Variants in FANCI observed in about 807,000 individuals in gnomAD.
The protein encoded by FANCI is Fanconi anemia group I protein.
In FANCI, 156 loss-of-function variants were observed where a neutral mutation model predicts 176.1. The ratio of observed to expected loss-of-function variants is 0.89; its 90% confidence interval spans 0.78 to 1.01. The LOEUF is 1.01. Ranked by LOEUF, FANCI falls within the 50% of genes least tolerant of loss-of-function variation. The pLI is 0.00. For missense variants in FANCI, 1,678 were observed against 1,534.1 expected, an observed-to-expected ratio of 1.09 and a Z score of -1.57; for synonymous variants, 613 against 541.7, an observed-to-expected ratio of 1.13 and a Z score of -1.83.
At chr15:89,257,078 T>C (rs1006889915) in intron 2 of FANCI, among the ~76,000 whole-genome samples, 10 of 152,134 alleles carry the variant, frequency 6.6e-5, no homozygotes, top group African/African-American at 2.2e-4. Context: ...GGCTAATTTT[T>C]TGTATTTTTA....
rs1317953100 is a variant in FANCI, at chr15:89,305,109, TC to T, written c.3059-4del. ...CCTTTTAATTTGCTTTTCTTCCTAT[TC>T]CTAGAGGATGCCTTGTTTTGCAAGA... On this transcript the variant is annotated splice_region_variant and splice_polypyrimidine_tract_variant and intron_variant, in intron 28 of 37. Transcript: ENST00000310775. 4 of 1,613,930 alleles carry T rather than the reference TC, an allele frequency of 2.5e-6. No individual in the cohort carries two copies. The highest frequency in any genetic ancestry group is 3.3e-5 in the Admixed American group (2 of 60,008).
chr15:89,291,802 T>A, intron 20 of FANCI, 88 bp downstream of exon 20: 2 of 1,014,642 alleles, frequency 2.0e-6, no homozygotes, highest in Non-Finnish European at 3.1e-6. Context: ...CCTGTGAAAC[T>A]CTCTTCCTGG....
At chr15:89,314,840 C>G (rs1596341334) in intron 36 of FANCI, 133 bp downstream of exon 36, 1 of 535,532 alleles carries the variant, frequency 1.9e-6, no homozygotes, top group Non-Finnish European at 3.2e-6. Flanking sequence ...CCCCTCTCCC[C>G]CCCCCCCCCT....
intron 3 of FANCI, 33 bp from the exon 4 acceptor site, chr15:89,260,680 C>T: frequency 1.2e-6 from 2 of 1,610,852 alleles, no homozygotes; most frequent in African/African-American, 1.3e-5. Flanking sequence ...TGTTGTAAGA[C>T]TTGTTTCTGA....
chr15:89,309,902 T>A (rs140156994), intron 34 of FANCI, among the ~76,000 whole-genome samples: 108 of 152,342 alleles, frequency 7.1e-4, no homozygotes, highest in African/African-American at 2.5e-3. Context: ...GATTCAAAAG[T>A]CACATTGTCT....
intron 10 of FANCI, among the ~76,000 whole-genome samples, chr15:89,271,817 G>T (rs372632122): frequency 6.6e-6 from 1 of 152,102 alleles, no homozygotes; most frequent in East Asian, 1.9e-4. Flanking sequence ...GTATTCCATT[G>T]TGTGGATATA....
In FANCI at chr15:89,314,600, C is replaced by CAACA. The variant is rs760426061; in HGVS notation, c.3721-12_3721-11insAACA. 7.5e-6 allele frequency: 12 copies of CAACA among 1,602,238 alleles called. No individual in the cohort carries two copies. In the African/African-American group the frequency reaches 1.5e-4, roughly 20 times the overall value. Reference sequence around the variant, plus strand: ...GAACCTGAAATTTAAGTCTTATGTTCTTTGCCCTTAGGCCAGAGTTCTTCG... The same window carrying CAACA: ...GAACCTGAAATTTAAGTCTTATGTTCAACATTTGCCCTTAGGCCAGAGTTCTTCG... On this transcript the variant is annotated splice_polypyrimidine_tract_variant and intron_variant, in intron 35 of 37. Transcript: ENST00000310775.
At chr15:89,292,287 A>G (rs762937615) in intron 20 of FANCI, among the ~76,000 whole-genome samples, 2 of 152,206 alleles carry the variant, frequency 1.3e-5, no homozygotes, top group Non-Finnish European at 2.9e-5. Context: ...CTGTGACATG[A>G]GATGTCCTCA....
chr15:89,315,197 C>T, intron 36 of FANCI, 85 bp from the exon 37 acceptor site: 2 of 985,836 alleles, frequency 2.0e-6, no homozygotes, highest in South Asian at 1.3e-5. Flanking sequence ...GGAAAGGTTT[C>T]TCAGAGGTGA....
At chr15:89,314,865 CTG>C (rs1246075561) in intron 36 of FANCI, among the ~76,000 whole-genome samples, 158 bp downstream of exon 36, 19 of 105,108 alleles carry the variant, frequency 1.8e-4, no homozygotes, top group African/African-American at 6.0e-4. Flanking sequence ...TTTTTTGAGA[CTG>C]TGTCTCATTC....
intron 32 of FANCI, among the ~76,000 whole-genome samples, chr15:89,306,521 G>A (rs1165319285): frequency 6.6e-6 from 1 of 151,928 alleles, no homozygotes; most frequent in Non-Finnish European, 1.5e-5. Flanking sequence ...GTGAAACCCC[G>A]TCTCTACTAA....
intron 24 of FANCI, among the ~76,000 whole-genome samples, chr15:89,295,774 CT>C (rs751482663): frequency 9.6e-5 from 11 of 114,482 alleles, no homozygotes; most frequent in Middle Eastern, 5.0e-3. Context: ...GTTGTTTTGG[CT>C]TTTTTTTTGG....
At chr15:89,288,763 T>C (rs2053931747) in intron 18 of FANCI, among the ~76,000 whole-genome samples, 1 of 151,856 alleles carries the variant, frequency 6.6e-6, no homozygotes, top group South Asian at 2.1e-4. Context: ...ATTGGGACCA[T>C]AGGCACAAGC....
At chr15:89,270,230 A>G (rs187069930) in intron 10 of FANCI, among the ~76,000 whole-genome samples, 110 of 152,304 alleles carry the variant, frequency 7.2e-4, no homozygotes, top group African/African-American at 2.5e-3. Context: ...TAGTTTGCCA[A>G]CCACTGTTCT....
chr15:89,257,487 G>C (rs1240093315), intron 2 of FANCI, among the ~76,000 whole-genome samples: 2 of 152,138 alleles, frequency 1.3e-5, no homozygotes, highest in African/African-American at 2.4e-5. Flanking sequence ...CTAGCTTCTG[G>C]TGGTTTGTTG....
At position 89,299,757 on chromosome 15, in the gene FANCI, G is replaced by A. The variant is rs754864929; in HGVS notation, c.2637-43G>A. The A allele has an allele frequency of 3.8e-6, 6 of 1,598,112 alleles. No individual in the cohort carries two copies. In the Admixed American group the frequency reaches 1.0e-4, roughly 27 times the overall value. ...TTTTACTGTTTGTTATTTTATCTCG[G>A]TGAACCTGTCTTTAAAAACAATACC... is the stretch of plus-strand genomic sequence containing the variant. On this transcript the variant is annotated intron_variant, in intron 24 of 37. Transcript: ENST00000310775.
intron 37 of FANCI, 156 bp from the exon 38 acceptor site, chr15:89,316,241 T>TC: frequency 1.3e-6 from 1 of 768,238 alleles, no homozygotes; most frequent in East Asian, 2.7e-5. Context: ...TTCCTCTTCT[T>TC]CAACAACATA....
chr15:89,309,253 CTA>C, intron 34 of FANCI, among the ~76,000 whole-genome samples: 1 of 152,226 alleles, frequency 6.6e-6, no homozygotes, highest in East Asian at 1.9e-4. Flanking sequence ...AATCTGTTGT[CTA>C]TATATAGGAT....
chr15:89,269,208 A>T (rs1422264834), intron 10 of FANCI, among the ~76,000 whole-genome samples: 4 of 152,172 alleles, frequency 2.6e-5, no homozygotes, highest in African/African-American at 9.7e-5. Context: ...TTTTCTGAAC[A>T]TTTAAAAGTA....
Sources: allele counts gnomAD v4.1 joint callset (sites outside exome capture counted in the v4.1 genomes callset), GRCh38; gene constraint gnomAD v4.1.1; transcripts MANE v1.5; gene names NCBI Gene and HGNC (gene_info 2026-07-23, HGNC 2026-07-21).